Variants in AGBL1 observed in about 807,000 individuals in gnomAD.
The protein encoded by AGBL1 is AGBL carboxypeptidase 1.
Under a neutral mutation model 118.9 loss-of-function variants are expected in AGBL1, and 130 were observed. That is an observed-to-expected ratio of 1.09 (90% CI 0.95 to 1.26). AGBL1 has a LOEUF of 1.26. Among genes scored for constraint, AGBL1 ranks in the 50% most tolerant of loss-of-function variants. The pLI is 0.00. For missense variants in AGBL1, 1,584 were observed against 1,298.1 expected, an observed-to-expected ratio of 1.22 and a Z score of -3.38; for synonymous variants, 555 against 478.9, an observed-to-expected ratio of 1.16 and a Z score of -2.08.
intron 18 of AGBL1, among the ~76,000 whole-genome samples, chr15:86,466,962 TGAG>T (rs1353288816): frequency 5.3e-5 from 8 of 152,262 alleles, no homozygotes; most frequent in Admixed American, 5.2e-4. Flanking sequence ...GGGACCCACT[TGAG>T]GAGGCAGTCT....
chr15:86,301,836 A>T (rs1032349054), intron 17 of AGBL1, among the ~76,000 whole-genome samples: 23 of 152,142 alleles, frequency 1.5e-4, no homozygotes, highest in African/African-American at 5.5e-4. Context: ...TATAAACTCC[A>T]CGTGCCTGGT....
chr15:86,144,287 T>A (rs1428904738), intron 3 of AGBL1, among the ~76,000 whole-genome samples: 3 of 152,098 alleles, frequency 2.0e-5, no homozygotes, highest in Non-Finnish European at 4.4e-5. Context: ...AAGACAGAAA[T>A]ACCATTCGAT....
At chr15:86,694,335 G>C (rs1298104697) in intron 22 of AGBL1, among the ~76,000 whole-genome samples, 1 of 151,918 alleles carries the variant, frequency 6.6e-6, no homozygotes, top group Non-Finnish European at 1.5e-5. Flanking sequence ...ATATTCCTAA[G>C]TATTTAATTT....
intron 23 of AGBL1, among the ~76,000 whole-genome samples, chr15:86,934,931 C>T (rs1308818311): frequency 2.0e-5 from 3 of 152,162 alleles, no homozygotes; most frequent in East Asian, 1.9e-4. Context: ...ATTCTGGATC[C>T]ATTCTCCTCC....
At chr15:86,898,134 G>GA (rs932665334) in intron 22 of AGBL1, among the ~76,000 whole-genome samples, 13 of 151,946 alleles carry the variant, frequency 8.6e-5, no homozygotes, top group African/African-American at 3.1e-4. Flanking sequence ...AAAATAGCAG[G>GA]AAAAAACTTC....
At chr15:87,012,808 C>A (rs1222225777) in intron 24 of AGBL1, among the ~76,000 whole-genome samples, 1 of 152,016 alleles carries the variant, frequency 6.6e-6, no homozygotes, top group Non-Finnish European at 1.5e-5. Context: ...CGAAATCCAT[C>A]AGTTCTGTAT....
chr15:86,289,768 C>A (rs2079515001), intron 16 of AGBL1, among the ~76,000 whole-genome samples: 1 of 152,150 alleles, frequency 6.6e-6, no homozygotes, highest in South Asian at 2.1e-4. Context: ...GGACCTTTGT[C>A]ATTACCCTGC....
intron 17 of AGBL1, among the ~76,000 whole-genome samples, chr15:86,365,425 C>T (rs1352647412): frequency 6.6e-6 from 1 of 152,126 alleles, no homozygotes; most frequent in Non-Finnish European, 1.5e-5. Context: ...GGGCACTTGA[C>T]TGCTTGCTGT....
intron 5 of AGBL1, among the ~76,000 whole-genome samples, chr15:86,214,762 T>C (rs1353031311): frequency 1.3e-5 from 2 of 152,252 alleles, no homozygotes; most frequent in Admixed American, 6.5e-5. Flanking sequence ...GCAGAGTCTC[T>C]GCTTATGACA....
chr15:86,317,580 G>T (rs1041888044), intron 17 of AGBL1, among the ~76,000 whole-genome samples: 1 of 152,232 alleles, frequency 6.6e-6, no homozygotes, highest in Non-Finnish European at 1.5e-5. Context: ...AGAGGCGAAA[G>T]AATTTGCCAG....
intron 6 of AGBL1, among the ~76,000 whole-genome samples, chr15:86,237,429 A>G (rs540764955): frequency 5.3e-5 from 8 of 152,330 alleles, no homozygotes; most frequent in African/African-American, 1.7e-4. Flanking sequence ...ACTGGTGGAC[A>G]GACGGGTGCC....
intron 18 of AGBL1, among the ~76,000 whole-genome samples, chr15:86,446,903 G>T (rs1433709933): frequency 1.3e-5 from 2 of 152,142 alleles, no homozygotes; most frequent in African/African-American, 4.8e-5. Context: ...TGTATATCTG[G>T]ATTGTTGTTC....
intron 1 of AGBL1, among the ~76,000 whole-genome samples, chr15:86,095,444 T>C (rs913143696): frequency 6.6e-6 from 1 of 152,002 alleles, no homozygotes; most frequent in African/African-American, 2.4e-5. Context: ...CTCATTAGCA[T>C]ACAAAAAGAC....
chr15:86,469,317 T>A (rs903026529), intron 18 of AGBL1, among the ~76,000 whole-genome samples: 3 of 152,222 alleles, frequency 2.0e-5, no homozygotes, highest in Non-Finnish European at 4.4e-5. Flanking sequence ...AGATTCCACA[T>A]ATAAGTGAGA....
At chr15:86,333,338 C>A (rs2080306396) in intron 17 of AGBL1, among the ~76,000 whole-genome samples, 1 of 151,976 alleles carries the variant, frequency 6.6e-6, no homozygotes, top group South Asian at 2.1e-4. Flanking sequence ...ACACTCAGAA[C>A]TAACAAAGGT....
intron 19 of AGBL1, among the ~76,000 whole-genome samples, chr15:86,539,412 A>G (rs971220420): frequency 6.6e-6 from 1 of 152,142 alleles, no homozygotes; most frequent in African/African-American, 2.4e-5. Flanking sequence ...GCCTTAAGCT[A>G]GGCCCTTCTC....
chr15:86,664,656 G>A (rs1033062624), intron 21 of AGBL1, among the ~76,000 whole-genome samples: 1 of 152,080 alleles, frequency 6.6e-6, no homozygotes, highest in African/African-American at 2.4e-5. Context: ...AAAAAGTTAA[G>A]GGGAATCTAG....
intron 21 of AGBL1, among the ~76,000 whole-genome samples, chr15:86,619,597 T>A (rs11858631): frequency 1.3e-5 from 2 of 152,094 alleles, no homozygotes; most frequent in Non-Finnish European, 2.9e-5. Flanking sequence ...TGCAGTCCTA[T>A]GAGATGGGCT....
At chr15:86,747,977 C>T (rs1032653675) in intron 22 of AGBL1, among the ~76,000 whole-genome samples, 4 of 152,214 alleles carry the variant, frequency 2.6e-5, no homozygotes, top group East Asian at 3.9e-4. Context: ...GATTTATAAT[C>T]GTTTGGGTAT....
Sources: gnomAD v4.1 joint callset for allele counts (sites outside exome capture counted in the v4.1 genomes callset) on GRCh38, gnomAD v4.1.1 for gene constraint, MANE v1.5 for transcripts, NCBI Gene and HGNC (gene_info 2026-07-23, HGNC 2026-07-21) for gene names.